The following MYZAP variants were observed in gnomAD, a reference collection of about 807,000 sequenced individuals.
The protein encoded by MYZAP is myocardial zonula adherens protein, also known as GRINL1A complex locus upstream.
In MYZAP, 66 loss-of-function variants were observed where a neutral mutation model predicts 69.4. The observed-to-expected ratio is 0.95, with a 90% CI of 0.78 to 1.17. The LOEUF is 1.17. Ranked by LOEUF, MYZAP falls within the 50% of genes most tolerant of loss-of-function variation. The probability of loss-of-function intolerance (pLI) is 0.00; values close to 1 mark genes in which losing one functional copy is unlikely to be tolerated. For synonymous variants in MYZAP, 256 were observed against 205.9 expected (o/e 1.24, Z -2.09); for missense variants, 611 against 556.2 (o/e 1.10, Z -0.99).
intron 4 of MYZAP, among the ~76,000 whole-genome samples, chr15:57,622,544 T>C (rs1403267109): frequency 3.9e-5 from 6 of 152,272 alleles, no homozygotes; most frequent in Admixed American, 3.9e-4. Context: ...AACAGTATCA[T>C]AGTGGCACAT....
At chr15:57,657,275 A>G (rs1215580079) in intron 10 of MYZAP, among the ~76,000 whole-genome samples, 1 of 152,178 alleles carries the variant, frequency 6.6e-6, no homozygotes, top group African/African-American at 2.4e-5. Flanking sequence ...TTTTAGTTCC[A>G]TTTTGCCTTT....
At chr15:57,629,926 T>A in intron 6 of MYZAP, 72 bp downstream of exon 6, 1 of 1,514,570 alleles carries the variant, frequency 6.6e-7, no homozygotes, top group Non-Finnish European at 8.8e-7. Flanking sequence ...TCTCTTCCCA[T>A]CTTCAACCTT....
chr15:57,668,895 T>TATATATATATA (rs1491406509), intron 11 of MYZAP, among the ~76,000 whole-genome samples: 2 of 51,634 alleles, frequency 3.9e-5, no homozygotes, highest in African/African-American at 1.7e-4. Context: ...TATATATATA[T>TATATATATATA]TTTTTTTTTT....
chr15:57,606,380 A>G (rs1424897253), intron 2 of MYZAP, among the ~76,000 whole-genome samples: 1 of 152,224 alleles, frequency 6.6e-6, no homozygotes. Context: ...GACATTCTGC[A>G]AAACAATTGG....
rs1250132296 is a variant in MYZAP, at chr15:57,673,449, CGCATGCGT to C, written c.1204-1509_1204-1502del. 2.0e-3 allele frequency among the ~76,000 whole-genome samples: 290 copies of C among 143,680 alleles called. 1 individual carries two copies. Among genetic ancestry groups the C allele is most frequent in the African/African-American group, 7.2e-3 (275 of 38,428 alleles). The allele number at this position is 143,680 out of a possible 152,430, so 94.3% of individuals were successfully genotyped here. On this transcript the variant is annotated intron_variant, in intron 11 of 12. Coordinates refer to ENST00000267853, the MANE Select transcript of MYZAP (RefSeq NM_001018100.5). ...CTCTCTCTCTCTGTCTGCACGTGTG[CGCATGCGT>C]GCATGCGTGTGTGTGTGTGTGTGTG...
chr15:57,646,961 T>C, intron 10 of MYZAP: 1 of 985,466 alleles, frequency 1.0e-6, no homozygotes, highest in South Asian at 4.7e-5. Context: ...TATCAGAACA[T>C]GGCAGTTTTG....
intron 11 of MYZAP, among the ~76,000 whole-genome samples, chr15:57,663,836 T>C (rs2038433624): frequency 6.6e-6 from 1 of 152,106 alleles, no homozygotes; most frequent in East Asian, 1.9e-4. Context: ...TTTGAGCATA[T>C]CAATAATGAT....
intron 2 of MYZAP, among the ~76,000 whole-genome samples, chr15:57,610,417 G>T (rs749698506): frequency 2.0e-5 from 3 of 152,204 alleles, no homozygotes; most frequent in South Asian, 2.1e-4. Flanking sequence ...GAGCGAGTGT[G>T]CTGCCATGAT....
At chr15:57,609,963 A>G (rs1690331) in intron 2 of MYZAP, among the ~76,000 whole-genome samples, 3,095 of 152,296 alleles carry the variant, frequency 0.02, 113 homozygotes, top group African/African-American at 0.071. Context: ...ACACACAGAC[A>G]GAACCCACAC....
At chr15:57,628,302 G>C (rs1040323994) in intron 5 of MYZAP, among the ~76,000 whole-genome samples, 2 of 152,024 alleles carry the variant, frequency 1.3e-5, no homozygotes, top group African/African-American at 4.8e-5. Context: ...ATGGGGTCTT[G>C]CTCTGTTGCG....
chr15:57,599,433 A>G (rs2034273035), intron 1 of MYZAP: 1 of 1,140,824 alleles, frequency 8.8e-7, no homozygotes, highest in Non-Finnish European at 1.1e-6. Context: ...GTAACTGAGT[A>G]ATAAAGTATG....
intron 8 of MYZAP, among the ~76,000 whole-genome samples, chr15:57,636,624 G>A (rs74016366): frequency 6.6e-6 from 1 of 152,130 alleles, no homozygotes; most frequent in African/African-American, 2.4e-5. Context: ...TGATAAACTT[G>A]CATTTTAAGG....
chr15:57,623,398 T>A (rs1220466208), intron 4 of MYZAP, among the ~76,000 whole-genome samples: 1 of 152,180 alleles, frequency 6.6e-6, no homozygotes, highest in East Asian at 1.9e-4. Context: ...TGTAGCATTG[T>A]TTGTAATAGT....
At position 57,593,190 on chromosome 15, in the gene MYZAP, A is replaced by ATGCGCGCGCGCGCGCGCGCGCGCGCG. The variant is rs376306761; in HGVS notation, c.75+1081_75+1082insTGCGCGCGCGCGCGCGCGCGCGCGCG. Among the ~76,000 whole-genome samples the ATGCGCGCGCGCGCGCGCGCGCGCGCG allele has an allele frequency of 1.3e-3, 141 of 108,308 alleles. 2 individuals carry two copies. The highest frequency in any genetic ancestry group is 4.8e-3 in the Middle Eastern group (1 of 208). 71.1% of individuals were successfully genotyped at this position (108,308 alleles called of 152,430 possible). ...ACACTTAGGTTGTGTACACAGGCGCACACACACACACACACACACACACAC... is the reference window on the plus strand; with the variant it reads ...ACACTTAGGTTGTGTACACAGGCGCATGCGCGCGCGCGCGCGCGCGCGCGCGCACACACACACACACACACACACAC... On this transcript the variant is annotated intron_variant, in intron 1 of 12. Coordinates refer to ENST00000267853, the MANE Select transcript of MYZAP (RefSeq NM_001018100.5).
Position 57,639,485 on chromosome 15 carries a change from C to T in MYZAP, c.1059C>T (p.Ile353=), listed in dbSNP as rs745782006. The T allele has an allele frequency of 6.2e-7, 1 of 1,614,098 alleles. No homozygotes were observed. The highest frequency in any genetic ancestry group is 1.1e-5 in the South Asian group (1 of 91,052). Residue 353 remains isoleucine, a synonymous_variant, in exon 10 of 13, where the codon ATC becomes ATT. Coordinates refer to ENST00000267853, the MANE Select transcript of MYZAP (RefSeq NM_001018100.5). ...CATCAGCCAGCCTCCGTGAGCGGAT[C>T]AGACACCTAGATGACATGGTGCATT... ...EEASASLRER[I]RHLDDMVHCQ...
chr15:57,639,896 C>T (rs2037046705), intron 10 of MYZAP, among the ~76,000 whole-genome samples: 3 of 152,174 alleles, frequency 2.0e-5, no homozygotes, highest in Admixed American at 6.5e-5. Context: ...CAGGTCCCTG[C>T]ACTGCCTCCA....
At chr15:57,674,886 A>G (rs2039039597) in intron 11 of MYZAP, 82 bp from the exon 12 acceptor site, 9 of 1,233,484 alleles carry the variant, frequency 7.3e-6, no homozygotes, top group Non-Finnish European at 1.0e-5. Context: ...GCAAAATCAG[A>G]TAATACATAT....
chr15:57,636,676 T>G, intron 8 of MYZAP, among the ~76,000 whole-genome samples: 1 of 152,252 alleles, frequency 6.6e-6, no homozygotes, highest in East Asian at 1.9e-4. Flanking sequence ...TTTAGCACAA[T>G]TTCGGTTATG....
intron 10 of MYZAP, among the ~76,000 whole-genome samples, chr15:57,650,000 A>C: frequency 6.6e-6 from 1 of 152,186 alleles, no homozygotes; most frequent in South Asian, 2.1e-4. Context: ...TTGTATCTCT[A>C]ACACCTGGGA....
Sources: gnomAD v4.1 joint callset for allele counts (sites outside exome capture counted in the v4.1 genomes callset) on GRCh38, gnomAD v4.1.1 for gene constraint, MANE v1.5 for transcripts, NCBI Gene and HGNC (gene_info 2026-07-23, HGNC 2026-07-21) for gene names.